The following LRPPRC variants were observed in gnomAD, a reference collection of about 807,000 sequenced individuals.
LRPPRC encodes leucine rich pentatricopeptide repeat containing.
A neutral mutation model predicts 180.3 loss-of-function variants in LRPPRC; 120 were observed. The observed-to-expected ratio is 0.67, with a 90% CI of 0.57 to 0.77. The LOEUF is 0.77. LRPPRC is among the 30% of genes least tolerant of loss of function. The pLI is 0.00. For synonymous variants in LRPPRC, 723 were observed against 600.0 expected, an observed-to-expected ratio of 1.21 and a Z score of -3.00; for missense variants, 2,012 against 1,657.2, an observed-to-expected ratio of 1.21 and a Z score of -3.72.
At chr2:43,995,646 TG>T in intron 1 of LRPPRC, 152 bp downstream of exon 1, 1 of 702,440 alleles carries the variant, frequency 1.4e-6, no homozygotes, top group Non-Finnish European at 2.1e-6. Context: ...CGAAAACCCC[TG>T]GTAGGGAGCG....
chr2:43,946,982 G>A (rs1672702991), intron 20 of LRPPRC, among the ~76,000 whole-genome samples: 1 of 152,038 alleles, frequency 6.6e-6, no homozygotes, highest in Admixed American at 6.6e-5. Flanking sequence ...AGAGACCGGA[G>A]CCATGGCTTG....
intron 27 of LRPPRC, among the ~76,000 whole-genome samples, chr2:43,920,595 C>T (rs962498121): frequency 1.4e-4 from 22 of 151,854 alleles, no homozygotes; most frequent in Admixed American, 3.9e-4. Context: ...CTCTCATTAA[C>T]TAATTACGCT....
chr2:43,963,896 C>T (rs952709575), intron 11 of LRPPRC, 190 bp from the exon 12 acceptor site: 1 of 608,796 alleles, frequency 1.6e-6, no homozygotes, highest in African/African-American at 1.8e-5. Flanking sequence ...CTTTCTTCAT[C>T]CCCCTCTGTG....
chr2:43,952,248 G>T (rs372801384), intron 14 of LRPPRC, among the ~76,000 whole-genome samples: 1 of 151,040 alleles, frequency 6.6e-6, no homozygotes, highest in Non-Finnish European at 1.5e-5. Context: ...GTGGCATGAA[G>T]TACCTAAGGA....
chr2:43,907,556 G>C (rs1475247029), intron 30 of LRPPRC, among the ~76,000 whole-genome samples: 1 of 150,172 alleles, frequency 6.7e-6, no homozygotes, highest in Non-Finnish European at 1.5e-5. Context: ...AATAGGGTTA[G>C]CCACTAGCCA....
chr2:43,901,647 AT>A, intron 31 of LRPPRC, 123 bp from the exon 32 acceptor site: 1 of 689,662 alleles, frequency 1.4e-6, no homozygotes, highest in Non-Finnish European at 2.6e-6. Context: ...TGAATAATTA[AT>A]TTTAGATTAC....
intron 27 of LRPPRC, among the ~76,000 whole-genome samples, chr2:43,924,837 G>A (rs112319490): frequency 4.2e-4 from 64 of 152,238 alleles, no homozygotes; most frequent in African/African-American, 1.3e-3. Context: ...GAAGGTTTTC[G>A]TACTTTCTCA....
intron 25 of LRPPRC, among the ~76,000 whole-genome samples, chr2:43,932,533 T>G (rs1048225557): frequency 6.6e-6 from 1 of 152,180 alleles, no homozygotes; most frequent in Non-Finnish European, 1.5e-5. Context: ...GGTTGTACTG[T>G]GGCAAAGCTC....
intron 12 of LRPPRC, among the ~76,000 whole-genome samples, chr2:43,962,294 T>C (rs530535208): frequency 6.6e-6 from 1 of 152,274 alleles, no homozygotes; most frequent in South Asian, 2.1e-4. Context: ...AAAATATGTA[T>C]AGTACAGGCT....
chr2:43,918,794 T>G (rs1035278202), intron 27 of LRPPRC, among the ~76,000 whole-genome samples: 37 of 30,130 alleles, frequency 1.2e-3, no homozygotes, highest in African/African-American at 3.5e-3. Flanking sequence ...TATATATAGA[T>G]ATATATATAT....
intron 18 of LRPPRC, among the ~76,000 whole-genome samples, 170 bp from the exon 19 acceptor site, chr2:43,947,945 T>C (rs1672752605): frequency 6.6e-6 from 1 of 152,118 alleles, no homozygotes; most frequent in African/African-American, 2.4e-5. Flanking sequence ...ACGTTATAAA[T>C]ATATTTATGA....
intron 25 of LRPPRC, among the ~76,000 whole-genome samples, chr2:43,932,488 A>G (rs374336742): frequency 1.3e-5 from 2 of 152,156 alleles, no homozygotes; most frequent in African/African-American, 4.8e-5. Flanking sequence ...CTACTACGAA[A>G]ATTCTGTCAT....
chr2:43,994,375 G>A (rs1008937952), intron 1 of LRPPRC, among the ~76,000 whole-genome samples: 24 of 152,236 alleles, frequency 1.6e-4, no homozygotes, highest in African/African-American at 5.3e-4. Flanking sequence ...ATGAAGGTCC[G>A]CATAACCGTA....
Position 43,899,528 on chromosome 2 carries a change from A to T in LRPPRC, c.3647T>A (p.Phe1216Tyr). The change falls in exon 33 of 38, where the codon TTC becomes TAC. Residue 1216 changes from phenylalanine (F) to tyrosine (Y), a missense_variant. Phe to Tyr is a conservative substitution (Grantham distance 22). Transcript: ENST00000260665. ...SENKVIEPQYFGLAYLFRKVI... is the reference protein window; with the variant it reads ...SENKVIEPQYYGLAYLFRKVI... ...TTTTCTGAATAAGTATGCCAAGCCGAAGTATTGGGGTTCAATGACTTTATT... is the reference window on the plus strand; with the variant it reads ...TTTTCTGAATAAGTATGCCAAGCCGTAGTATTGGGGTTCAATGACTTTATT... The T allele has an allele frequency of 6.2e-7, 1 of 1,613,158 alleles. No individual in the cohort carries two copies. Among genetic ancestry groups the T allele is most frequent in the Non-Finnish European group, 8.5e-7 (1 of 1,179,112 alleles).
At chr2:43,943,240 TACA>T (rs1194901654) in intron 23 of LRPPRC, among the ~76,000 whole-genome samples, 1 of 152,042 alleles carries the variant, frequency 6.6e-6, no homozygotes, top group Non-Finnish European at 1.5e-5. Context: ...ATTCATCTCC[TACA>T]ACATTTATCA....
intron 6 of LRPPRC, 79 bp from the exon 7 acceptor site, chr2:43,975,296 T>C (rs1416825951): frequency 1.6e-6 from 2 of 1,240,184 alleles, no homozygotes; most frequent in Non-Finnish European, 2.3e-6. Context: ...CATATGCTTA[T>C]TAAAATAAAA....
chr2:43,943,457 T>C (rs569969343), intron 23 of LRPPRC, among the ~76,000 whole-genome samples: 57 of 152,098 alleles, frequency 3.7e-4, no homozygotes, highest in Non-Finnish European at 5.6e-4. Flanking sequence ...AGTGATCACA[T>C]GCTCCTACAA....
At chr2:43,933,562 C>T (rs1672165046) in intron 25 of LRPPRC, among the ~76,000 whole-genome samples, 1 of 152,136 alleles carries the variant, frequency 6.6e-6, no homozygotes. Flanking sequence ...AAATTAATCA[C>T]AATTTGGACA....
chr2:43,962,252 G>C (rs183673173), intron 12 of LRPPRC, among the ~76,000 whole-genome samples: 2 of 152,116 alleles, frequency 1.3e-5, no homozygotes, highest in Non-Finnish European at 1.5e-5. Flanking sequence ...AGAATATGTG[G>C]GAAAGTTACT....
Sources: gnomAD v4.1 joint callset for allele counts (sites outside exome capture counted in the v4.1 genomes callset) on GRCh38, gnomAD v4.1.1 for gene constraint, MANE v1.5 for transcripts, NCBI Gene and HGNC (gene_info 2026-07-23, HGNC 2026-07-21) for gene names.